Variants in SPECC1 observed in about 807,000 individuals in gnomAD.
SPECC1 encodes the protein cytospin-B.
In SPECC1, 62 loss-of-function variants were observed where a neutral mutation model predicts 104.1. The ratio of observed to expected loss-of-function variants is 0.60; its 90% CI spans 0.49 to 0.74. SPECC1 has a LOEUF of 0.74. SPECC1 is among the 30% of genes least tolerant of loss of function. SPECC1 has a pLI of 0.00. For missense variants in SPECC1, 1,306 were observed against 1,310.5 expected (o/e 1.00, Z 0.05); for synonymous variants, 513 against 501.6 (o/e 1.02, Z -0.30).
At chr17:20,293,003 A>G (rs2041224283) in intron 12 of SPECC1, among the ~76,000 whole-genome samples, 1 of 152,200 alleles carries the variant, frequency 6.6e-6, no homozygotes, top group Non-Finnish European at 1.5e-5. Context: ...GCTGACTGGA[A>G]CTGAGAAGAG....
At chr17:20,206,013 T>C in intron 4 of SPECC1, 101 bp downstream of exon 4, 1 of 1,451,532 alleles carries the variant, frequency 6.9e-7, no homozygotes, top group Non-Finnish European at 9.2e-7. Context: ...TTGCTTAGTC[T>C]GTTTCATTCA....
chr17:20,101,294 CA>C (rs1181358169), intron 2 of SPECC1, among the ~76,000 whole-genome samples: 1 of 152,200 alleles, frequency 6.6e-6, no homozygotes, highest in Non-Finnish European at 1.5e-5. Flanking sequence ...AGTGTAAAAG[CA>C]TTCCTATTTC....
chr17:20,019,594 A>G (rs1482415911), intron 1 of SPECC1, among the ~76,000 whole-genome samples: 1 of 152,190 alleles, frequency 6.6e-6, no homozygotes, highest in Non-Finnish European at 1.5e-5. Context: ...TGCAAATTCC[A>G]TGAGGTGAGA....
At chr17:20,150,184 C>T (rs889968437) in intron 3 of SPECC1, among the ~76,000 whole-genome samples, 9 of 151,690 alleles carry the variant, frequency 5.9e-5, no homozygotes, top group Middle Eastern at 3.4e-3. Flanking sequence ...AGGGTTTCAC[C>T]GTTTTAGTCC....
At chr17:20,269,593 C>G (rs1383693879) in intron 12 of SPECC1, among the ~76,000 whole-genome samples, 1 of 152,202 alleles carries the variant, frequency 6.6e-6, no homozygotes, top group Non-Finnish European at 1.5e-5. Context: ...CAGCTGGTCT[C>G]AAACTCCCGA....
chr17:20,137,773 C>G (rs184037145), intron 3 of SPECC1, among the ~76,000 whole-genome samples: 3 of 151,732 alleles, frequency 2.0e-5, no homozygotes, highest in Non-Finnish European at 4.4e-5. Context: ...TCAAGTGATT[C>G]TCATACCTCA....
At chr17:20,139,869 T>C (rs1265472062) in intron 3 of SPECC1, among the ~76,000 whole-genome samples, 3 of 152,014 alleles carry the variant, frequency 2.0e-5, no homozygotes, top group Non-Finnish European at 4.4e-5. Context: ...AGAGACGGGG[T>C]TTCGCTATGT....
chr17:20,012,839 G>A (rs1345893589), intron 1 of SPECC1, among the ~76,000 whole-genome samples: 2 of 152,062 alleles, frequency 1.3e-5, no homozygotes, highest in African/African-American at 2.4e-5. Flanking sequence ...TTACAAAATT[G>A]AAGCTCTGTA....
At chr17:20,033,023 G>T (rs1203632975) in intron 1 of SPECC1, among the ~76,000 whole-genome samples, 1 of 150,828 alleles carries the variant, frequency 6.6e-6, no homozygotes, top group East Asian at 1.9e-4. Context: ...GGAGTTCAGT[G>T]GCGTGATCTC....
intron 3 of SPECC1, among the ~76,000 whole-genome samples, chr17:20,181,394 TAAAGGAA>T (rs1044379716): frequency 6.6e-5 from 10 of 152,078 alleles, no homozygotes; most frequent in East Asian, 5.8e-4. Context: ...TATTCTTGAT[TAAAGGAA>T]AAAGGAAAAA....
At position 20,136,227 on chromosome 17, in the gene SPECC1, C is replaced by G. The variant is rs548517437; in HGVS notation, c.283+25665C>G. Among the ~76,000 whole-genome samples, 472 of 152,160 alleles carry G rather than the reference C, an allele frequency of 3.1e-3. 4 individuals carry two copies. The highest frequency in any genetic ancestry group is 0.011 in the African/African-American group (456 of 41,494). The stretch of plus-strand genomic sequence containing the variant: ...GATCACGAGGTCAGGAGTTCAAGAC[C>G]ATCCTGACCAACATAGTGAAACCCC... On this transcript the variant is annotated intron_variant, in intron 3 of 14. Coordinates refer to ENST00000395527, the MANE Select transcript of SPECC1 (RefSeq NM_001243439.2).
chr17:20,071,351 C>T (rs1045209650), intron 1 of SPECC1, among the ~76,000 whole-genome samples: 1 of 150,940 alleles, frequency 6.6e-6, no homozygotes, highest in Admixed American at 6.7e-5. Context: ...ATTTTACTAT[C>T]TGGTAGTACA....
At chr17:20,019,211 CATTTATTT>C (rs967752200) in intron 1 of SPECC1, among the ~76,000 whole-genome samples, 36 of 20,930 alleles carry the variant, frequency 1.7e-3, no homozygotes, top group Admixed American at 5.4e-3. Flanking sequence ...CCCTATCATT[CATTTATTT>C]ATTTATTTAT....
chr17:20,093,116 A>T (rs11204422), intron 1 of SPECC1, among the ~76,000 whole-genome samples: 56,217 of 152,048 alleles, frequency 0.37, 10,937 homozygotes, highest in Middle Eastern at 0.51. Context: ...TAAGAGAAAT[A>T]CCATAAACTG....
At chr17:20,086,529 G>A (rs1481415462) in intron 1 of SPECC1, among the ~76,000 whole-genome samples, 6 of 152,176 alleles carry the variant, frequency 3.9e-5, no homozygotes. Flanking sequence ...GGCTTCTCTT[G>A]TTGGGTCCCA....
At chr17:20,109,296 T>G (rs1034058711) in intron 2 of SPECC1, among the ~76,000 whole-genome samples, 3 of 152,230 alleles carry the variant, frequency 2.0e-5, no homozygotes, top group Non-Finnish European at 4.4e-5. Context: ...CGACATTGAT[T>G]TAAGGGCTTT....
At chr17:20,030,065 T>C (rs2044748716) in intron 1 of SPECC1, among the ~76,000 whole-genome samples, 1 of 152,184 alleles carries the variant, frequency 6.6e-6, no homozygotes, top group South Asian at 2.1e-4. Flanking sequence ...GTACTCACCT[T>C]GATTGCAGGT....
chr17:20,191,928 G>A (rs1171957947), intron 3 of SPECC1, among the ~76,000 whole-genome samples: 1 of 151,932 alleles, frequency 6.6e-6, no homozygotes, highest in Non-Finnish European at 1.5e-5. Context: ...TTAGTCAGGT[G>A]TTTCGTTTTC....
chr17:20,011,327 T>G (rs1328118038), intron 1 of SPECC1, among the ~76,000 whole-genome samples: 3 of 152,178 alleles, frequency 2.0e-5, no homozygotes, highest in Non-Finnish European at 4.4e-5. Flanking sequence ...TTTTTCTCAG[T>G]TTTTCTGTTT....
Sources: allele counts gnomAD v4.1 joint callset (sites outside exome capture counted in the v4.1 genomes callset), GRCh38; gene constraint gnomAD v4.1.1; transcripts MANE v1.5; gene names NCBI Gene and HGNC (gene_info 2026-07-23, HGNC 2026-07-21).